The following DIP2C variants were observed in gnomAD, a reference collection of about 807,000 sequenced individuals.
DIP2C encodes DIP2 acetate--CoA ligase C (putative).
A neutral mutation model predicts 192.4 loss-of-function variants in DIP2C; 33 were observed. That is an observed-to-expected ratio of 0.17 (90% CI 0.13 to 0.23). The LOEUF (loss-of-function observed/expected upper bound fraction) is 0.23. Among genes scored for constraint, DIP2C ranks in the 10% least tolerant of loss-of-function variants. The pLI is 1.00. For missense variants in DIP2C, 1,537 were observed against 2,110.1 expected (o/e 0.73, Z 5.32); for synonymous variants, 979 against 864.1 (o/e 1.13, Z -2.33).
chr10:563,633 G>C (rs1314471565), intron 1 of DIP2C, among the ~76,000 whole-genome samples: 1 of 152,162 alleles, frequency 6.6e-6, no homozygotes, highest in African/African-American at 2.4e-5. Flanking sequence ...AGAAACCAAA[G>C]TTTCTGAGGA....
intron 13 of DIP2C, among the ~76,000 whole-genome samples, chr10:389,533 G>A (rs1564649757): frequency 6.6e-6 from 1 of 152,188 alleles, no homozygotes. Flanking sequence ...CTAAAGATAT[G>A]CTCATGTGCA....
At chr10:481,156 A>T (rs1227749350) in intron 2 of DIP2C, among the ~76,000 whole-genome samples, 1 of 152,108 alleles carries the variant, frequency 6.6e-6, no homozygotes, top group Non-Finnish European at 1.5e-5. Context: ...TGCCCCGGGA[A>T]AGCACAGCCT....
chr10:533,694 A>G (rs1055812726), intron 1 of DIP2C, among the ~76,000 whole-genome samples: 1 of 151,078 alleles, frequency 6.6e-6, no homozygotes, highest in Non-Finnish European at 1.5e-5. Flanking sequence ...ACTAGTCCAC[A>G]GGGAAATTTC....
chr10:284,213 T>C (rs1004083788), intron 34 of DIP2C, among the ~76,000 whole-genome samples: 1 of 152,112 alleles, frequency 6.6e-6, no homozygotes, highest in African/African-American at 2.4e-5. Flanking sequence ...AGTGGTCAAG[T>C]TCCAGGAAGT....
At chr10:672,448 G>A (rs1201128369) in intron 1 of DIP2C, among the ~76,000 whole-genome samples, 1 of 152,258 alleles carries the variant, frequency 6.6e-6, no homozygotes, top group African/African-American at 2.4e-5. Context: ...CAGGATGGCT[G>A]TGGAGCTCCT....
In DIP2C at chr10:472,509, G is replaced by A. The variant is rs762646478; in HGVS notation, c.198C>T (p.Val66=). The A allele has an allele frequency of 6.2e-7, 1 of 1,614,242 alleles. No homozygotes were observed. The highest frequency in any genetic ancestry group is 8.5e-7 in the Non-Finnish European group (1 of 1,180,050). ...QALPQERRAP[V]TPSSASRYHR... ...GGTAGCGAGAGGCGGAGGAAGGAGT[G>A]ACAGGAGCCCGGCGTTCTTGCGGCA... The change falls in exon 3 of 37, where the codon GTC becomes GTT. Residue 66 remains valine, a synonymous_variant. Coordinates refer to ENST00000280886, the MANE Select transcript of DIP2C (RefSeq NM_014974.3).
rs920840074 is a variant in DIP2C at position 621,792 on chromosome 10, G to A, written c.85+67702C>T. 3.3e-5 allele frequency among the ~76,000 whole-genome samples: 5 copies of A among 152,174 alleles called. No homozygotes were observed. In the East Asian group the frequency reaches 7.7e-4, roughly 23 times the overall value. The stretch of plus-strand genomic sequence containing the variant: ...CCAAGGTGCTGAGCACGGGGCCTAC[G>A]GAGTGCTTCTTTCTGCTGCGGCTGA... On this transcript the variant is annotated intron_variant, in intron 1 of 36. Transcript: ENST00000280886.
At chr10:324,817 G>A (rs1169255277) in intron 31 of DIP2C, 3 of 441,146 alleles carry the variant, frequency 6.8e-6, no homozygotes, top group African/African-American at 2.0e-5. Flanking sequence ...ACGGTGGCAC[G>A]CTTCAGAAGC....
intron 22 of DIP2C, among the ~76,000 whole-genome samples, chr10:360,405 C>T (rs1006165948): frequency 1.3e-5 from 2 of 152,220 alleles, no homozygotes; most frequent in African/African-American, 4.8e-5. Context: ...GTATTTGAGG[C>T]TCATGTCTCT....
chr10:351,105 C>A lies in DIP2C; in HGVS notation c.2986-1651G>T, dbSNP rs148830558. ...CGAGATGGCTGTCGGGGACCAGACA[C>A]TGCGATTCAGAGTGAAGGCGCAGGG... On this transcript the variant is annotated intron_variant, in intron 24 of 36. Coordinates refer to ENST00000280886, the MANE Select transcript of DIP2C (RefSeq NM_014974.3). Among the ~76,000 whole-genome samples, 1,098 of 152,246 alleles carry A rather than the reference C, an allele frequency of 7.2e-3. 10 individuals carry two copies. The highest frequency in any genetic ancestry group is 0.011 in the Admixed American group (170 of 15,302).
intron 1 of DIP2C, among the ~76,000 whole-genome samples, chr10:525,072 T>C (rs816631): frequency 0.022 from 3,348 of 152,108 alleles, 125 homozygotes; most frequent in African/African-American, 0.077. Flanking sequence ...CATGTATTTG[T>C]AGTTTGGATG....
intron 3 of DIP2C, among the ~76,000 whole-genome samples, chr10:460,183 G>A (rs1283733079): frequency 6.6e-6 from 1 of 152,192 alleles, no homozygotes; most frequent in Non-Finnish European, 1.5e-5. Flanking sequence ...CCCAGTCTTG[G>A]GTGGAATGGG....
At chr10:336,696 C>T (rs961668840) in intron 29 of DIP2C, among the ~76,000 whole-genome samples, 2 of 152,186 alleles carry the variant, frequency 1.3e-5, no homozygotes, top group African/African-American at 4.8e-5. Context: ...GGAGGGTCTT[C>T]CAGGAGAAGG....
chr10:294,876 C>T (rs551077209), intron 32 of DIP2C, among the ~76,000 whole-genome samples: 3 of 151,936 alleles, frequency 2.0e-5, no homozygotes, highest in African/African-American at 7.3e-5. Flanking sequence ...GAAAAAACAA[C>T]CTACAGAATA....
Position 666,690 on chromosome 10 carries a change from AGCT to A in DIP2C, c.85+22801_85+22803del, listed in dbSNP as rs1857122601. ...AAAGTTCAATAAACGTGGTGGCAGC[AGCT>A]GAACTGGCTACCACAGGACGCAGCT... On this transcript the variant is annotated intron_variant, in intron 1 of 36. Coordinates refer to ENST00000280886, the MANE Select transcript of DIP2C (RefSeq NM_014974.3). This position sits in a 1 kb window ranked among gnomAD's most constrained non-coding sequence, Gnocchi z 4.1. The A allele has an allele frequency of 6.6e-6, 1 of 152,050 alleles. No homozygotes were observed. The highest frequency in any genetic ancestry group is 2.1e-4 in the South Asian group (1 of 4,832). The allele number at this position is 152,050 out of a possible 1,614,324, so 9.4% of individuals were successfully genotyped here. A position where few individuals can be genotyped will look rare whatever the true frequency, so the allele number is the denominator to read the frequency against.
In DIP2C at chr10:593,996, G is replaced by A. The variant is rs960412681; in HGVS notation, c.85+95498C>T. Among the ~76,000 whole-genome samples the A allele has an allele frequency of 9.2e-5, 14 of 152,320 alleles. No individual in the cohort carries two copies. In the South Asian group the frequency reaches 1.0e-3, roughly 11 times the overall value. ...GACTCCAACCACGGCGGAACTGGCC[G>A]TGGAACCAGTGCCAACCAATTCAGG... On this transcript the variant is annotated intron_variant, in intron 1 of 36. Coordinates refer to ENST00000280886, the MANE Select transcript of DIP2C (RefSeq NM_014974.3).
chr10:552,683 T>C (rs1419099225), intron 1 of DIP2C, among the ~76,000 whole-genome samples: 2 of 152,206 alleles, frequency 1.3e-5, no homozygotes, highest in Non-Finnish European at 2.9e-5. Flanking sequence ...ACCCCGTCTC[T>C]AGTAAAAATA....
intron 35 of DIP2C, among the ~76,000 whole-genome samples, chr10:281,850 T>C (rs1192174881): frequency 6.6e-6 from 1 of 152,228 alleles, no homozygotes; most frequent in African/African-American, 2.4e-5. Flanking sequence ...CCTTAGCTCA[T>C]AGAGCCAGGA....
chr10:669,502 T>C (rs949764118), intron 1 of DIP2C: 2 of 152,208 alleles, frequency 1.3e-5, no homozygotes, highest in Admixed American at 1.3e-4. Flanking sequence ...ATTATGAAGA[T>C]GAGCCGAAAA....
Sources: gnomAD v4.1 joint callset for allele counts (sites outside exome capture counted in the v4.1 genomes callset) on GRCh38, gnomAD v4.1.1 for gene constraint, Gnocchi (gnomAD v3.1) non-coding constraint, MANE v1.5 for transcripts, NCBI Gene and HGNC (gene_info 2026-07-23, HGNC 2026-07-21) for gene names.